The following ADAM12 variants were observed in gnomAD, a reference collection of about 807,000 sequenced individuals.
ADAM12 encodes the protein ADAM metallopeptidase domain 12.
Under a neutral mutation model 106.4 loss-of-function variants are expected in ADAM12, and 70 were observed. The observed-to-expected ratio is 0.66, with a 90% CI of 0.54 to 0.80. ADAM12 has a LOEUF of 0.80. ADAM12 is among the 30% of genes least tolerant of loss of function. The pLI, the probability that ADAM12 is intolerant of heterozygous loss-of-function variation, is 0.00. For missense variants in ADAM12, 1,010 were observed against 1,171.9 expected (o/e 0.86, Z 2.02); for synonymous variants, 420 against 433.5 (o/e 0.97, Z 0.39).
intron 16 of ADAM12, 135 bp from the exon 17 acceptor site, chr10:126,046,267 G>A (rs11244789): frequency 0.13 from 98,498 of 751,114 alleles, 7,203 homozygotes; most frequent in Middle Eastern, 0.21. Flanking sequence ...AGTTAATACG[G>A]ATGGAGCATA....
intron 3 of ADAM12, among the ~76,000 whole-genome samples, chr10:126,206,713 T>C (rs1957801258): frequency 6.6e-6 from 1 of 152,128 alleles, no homozygotes; most frequent in African/African-American, 2.4e-5. Flanking sequence ...GAGTTCTAAG[T>C]ATGTTGCAGT....
chr10:126,137,572 A>G (rs1282048294), intron 4 of ADAM12, among the ~76,000 whole-genome samples: 1 of 152,232 alleles, frequency 6.6e-6, no homozygotes, highest in East Asian at 1.9e-4. Flanking sequence ...TCTGGCAACC[A>G]TTAACCTGCT....
chr10:126,230,636 A>C (rs1034768226), intron 3 of ADAM12, among the ~76,000 whole-genome samples: 1 of 152,218 alleles, frequency 6.6e-6, no homozygotes, highest in South Asian at 2.1e-4. Flanking sequence ...ATTTAAGTAT[A>C]AATCAATTGG....
chr10:126,135,232 T>C (rs1186110226), intron 5 of ADAM12: 1 of 235,864 alleles, frequency 4.2e-6, no homozygotes, highest in Non-Finnish European at 8.2e-6. Context: ...CATTGGTATG[T>C]AATGTTCTAT....
chr10:126,082,120 A>G (rs1052397766), intron 11 of ADAM12, among the ~76,000 whole-genome samples: 4 of 152,126 alleles, frequency 2.6e-5, no homozygotes, highest in Non-Finnish European at 5.9e-5. Context: ...CAACCAACCA[A>G]TGAAGCAATC....
chr10:126,331,861 T>C (rs1049093616), intron 1 of ADAM12, among the ~76,000 whole-genome samples: 6 of 152,116 alleles, frequency 3.9e-5, no homozygotes, highest in Non-Finnish European at 7.3e-5. Context: ...CTGATGGTGA[T>C]ATCTGTGACA....
chr10:126,361,127 G>T (rs139966708), intron 1 of ADAM12, among the ~76,000 whole-genome samples: 1 of 152,158 alleles, frequency 6.6e-6, no homozygotes, highest in Non-Finnish European at 1.5e-5. Context: ...CCCACAACAC[G>T]TGGGAAGTCA....
intron 8 of ADAM12, among the ~76,000 whole-genome samples, chr10:126,104,380 G>A (rs964174340): frequency 4.0e-5 from 6 of 151,550 alleles, no homozygotes; most frequent in African/African-American, 7.3e-5. Flanking sequence ...AACCTGGGAG[G>A]TGGAGGCTGC....
chr10:126,347,493 A>G (rs1855190167), intron 1 of ADAM12, among the ~76,000 whole-genome samples: 1 of 151,992 alleles, frequency 6.6e-6, no homozygotes, highest in South Asian at 2.1e-4. Flanking sequence ...TCTGACAATT[A>G]TGGGTCTTGG....
At chr10:126,057,992 T>C (rs1027917736) in intron 14 of ADAM12, among the ~76,000 whole-genome samples, 2 of 152,178 alleles carry the variant, frequency 1.3e-5, no homozygotes, top group African/African-American at 4.8e-5. Flanking sequence ...GGTTATATGA[T>C]CGGGTCAATG....
At chr10:126,380,740 T>G (rs1481305966) in intron 1 of ADAM12, among the ~76,000 whole-genome samples, 1 of 152,156 alleles carries the variant, frequency 6.6e-6, no homozygotes, top group Non-Finnish European at 1.5e-5. Context: ...CAATTTCACT[T>G]CTCCAGCCCA....
intron 21 of ADAM12, among the ~76,000 whole-genome samples, chr10:126,024,092 CA>C (rs1186791975): frequency 1.3e-5 from 2 of 151,878 alleles, no homozygotes; most frequent in Admixed American, 6.6e-5. Context: ...CTTCTAGAAG[CA>C]AAAAAAGTAC....
At chr10:126,197,915 C>T (rs1017198364) in intron 3 of ADAM12, among the ~76,000 whole-genome samples, 1 of 152,188 alleles carries the variant, frequency 6.6e-6, no homozygotes, top group Non-Finnish European at 1.5e-5. Context: ...CCTAAGTCTC[C>T]ACCACGCATG....
At chr10:126,248,715 ATTTATTTATTTT>A (rs1422729445) in intron 3 of ADAM12, among the ~76,000 whole-genome samples, 31 of 146,678 alleles carry the variant, frequency 2.1e-4, no homozygotes, top group Non-Finnish European at 1.5e-4. Context: ...TTATTTATTT[ATTTATTTATTTT>A]GAGACAGAGT....
intron 3 of ADAM12, among the ~76,000 whole-genome samples, chr10:126,222,578 C>T (rs1019992190): frequency 6.6e-6 from 1 of 151,562 alleles, no homozygotes; most frequent in African/African-American, 2.4e-5. Context: ...AGCTGGTATA[C>T]AACAGACTCA....
intron 3 of ADAM12, among the ~76,000 whole-genome samples, chr10:126,189,701 C>T (rs550790700): frequency 2.6e-5 from 4 of 152,162 alleles, no homozygotes; most frequent in East Asian, 1.9e-4. Flanking sequence ...TCAGGGGCAC[C>T]GGAATCTACC....
intron 2 of ADAM12, among the ~76,000 whole-genome samples, chr10:126,310,985 C>T (rs1052222032): frequency 1.3e-5 from 2 of 152,026 alleles, no homozygotes; most frequent in Admixed American, 6.6e-5. Flanking sequence ...CATTAAGGGT[C>T]GTTGCAGGGA....
rs147410302 is a variant in ADAM12, at chr10:126,187,551, T to C, written c.261-32246A>G. On this transcript the variant is annotated intron_variant, in intron 3 of 22. Coordinates refer to ENST00000448723, the MANE Select transcript of ADAM12 (RefSeq NM_001288973.2). ...ATCATGAGGTGGGAGCCCAGGTCGG[T>C]GTTGTGGGATGCCCTGGCTGGAAAC... Among the ~76,000 whole-genome samples the C allele has an allele frequency of 4.6e-3, 703 of 152,164 alleles. 1 individual carries two copies. The highest frequency in any genetic ancestry group is 0.014 in the African/African-American group (569 of 41,526).
At chr10:126,190,313 G>T (rs180691811) in intron 3 of ADAM12, among the ~76,000 whole-genome samples, 174 of 151,476 alleles carry the variant, frequency 1.1e-3, no homozygotes, top group African/African-American at 4.0e-3. Flanking sequence ...CAATTCTCCC[G>T]CCTCTGGCTC....
Sources: gnomAD v4.1 joint callset for allele counts (sites outside exome capture counted in the v4.1 genomes callset) on GRCh38, gnomAD v4.1.1 for gene constraint, MANE v1.5 for transcripts, NCBI Gene and HGNC (gene_info 2026-07-23, HGNC 2026-07-21) for gene names.